The following SHANK2 variants were observed in gnomAD, a reference collection of about 807,000 sequenced individuals.
The protein encoded by SHANK2 is SH3 and multiple ankyrin repeat domains 2.
A neutral mutation model predicts 133.7 loss-of-function variants in SHANK2; 43 were observed. The observed-to-expected ratio is 0.32, with a 90% CI of 0.25 to 0.41. The LOEUF (loss-of-function observed/expected upper bound fraction) is 0.41, where lower values mean the gene tolerates loss of function less well. Ranked by LOEUF, SHANK2 falls within the 10% of genes least tolerant of loss-of-function variation. SHANK2 has a pLI of 1.00. For missense variants in SHANK2, 1,994 were observed against 2,235.8 expected (o/e 0.89, Z 2.18); for synonymous variants, 1,017 against 952.8 (o/e 1.07, Z -1.24).
chr11:70,696,276 T>C (rs1555022214), intron 15 of SHANK2, among the ~76,000 whole-genome samples: 1 of 152,202 alleles, frequency 6.6e-6, no homozygotes, highest in Admixed American at 6.5e-5. Flanking sequence ...GCCCTGCTGT[T>C]AGCCATGTGT....
At chr11:70,723,915 G>A (rs1262936483) in intron 14 of SHANK2, among the ~76,000 whole-genome samples, 2 of 152,006 alleles carry the variant, frequency 1.3e-5, no homozygotes, top group Non-Finnish European at 1.5e-5. Flanking sequence ...GAGTACTCTA[G>A]GGACAGAAAT....
At position 71,094,679 on chromosome 11, in the gene SHANK2, A is replaced by G; in HGVS notation, c.602T>C (p.Leu201Pro). 6.4e-7 allele frequency: 1 copy of G among 1,551,730 alleles called. No homozygotes were observed. The change falls in exon 7 of 26, where the codon CTG (leucine) becomes CCG (proline). Residue 201 changes from leucine to proline, a missense_variant. Physicochemically the swap from Leu to Pro is moderately conservative, Grantham distance 98. Around this residue, in one of 5 missense-constraint regions of SHANK2, gnomAD observed 653 missense variants for 563.4 expected, o/e 1.16. Transcript: ENST00000601538. ...FHDPETGETP[L>P]TLAAQLDDSV... is the part of the protein sequence containing the mutation. ...GTCGTCCAGCTGAGCGGCTAAGGTCAGGGGGGTCTCTGAGGAACCCAAACA... is the reference window on the plus strand; with the variant it reads ...GTCGTCCAGCTGAGCGGCTAAGGTCGGGGGGGTCTCTGAGGAACCCAAACA...
chr11:70,508,194 C>T (rs552916881), intron 17 of SHANK2, among the ~76,000 whole-genome samples: 2 of 152,370 alleles, frequency 1.3e-5, no homozygotes, highest in Non-Finnish European at 2.9e-5. Flanking sequence ...GGCACCAGGG[C>T]TCATGGGGGT....
intron 17 of SHANK2, among the ~76,000 whole-genome samples, chr11:70,517,731 G>A (rs1403747189): frequency 6.6e-6 from 1 of 152,184 alleles, no homozygotes; most frequent in Non-Finnish European, 1.5e-5. Flanking sequence ...TGGAACAGAA[G>A]CACAGAGAAT....
At chr11:71,210,213 T>C (rs1254438022) in intron 2 of SHANK2, among the ~76,000 whole-genome samples, 3 of 23,742 alleles carry the variant, frequency 1.3e-4, no homozygotes, top group Non-Finnish European at 2.4e-4. Flanking sequence ...TCCACAGGTA[T>C]ATATATATAT....
At chr11:70,613,106 C>T (rs375638082) in intron 17 of SHANK2, among the ~76,000 whole-genome samples, 20 of 152,336 alleles carry the variant, frequency 1.3e-4, no homozygotes, top group African/African-American at 4.3e-4. Flanking sequence ...CATGGAGTCA[C>T]ATGCTGGTTT....
At chr11:70,521,093 C>G (rs1194014408) in intron 17 of SHANK2, among the ~76,000 whole-genome samples, 1 of 152,150 alleles carries the variant, frequency 6.6e-6, no homozygotes, top group African/African-American at 2.4e-5. Context: ...AATATTCTAC[C>G]CTCTTCATGA....
intron 17 of SHANK2, among the ~76,000 whole-genome samples, chr11:70,513,535 C>T (rs896977284): frequency 1.3e-5 from 2 of 152,146 alleles, no homozygotes; most frequent in Non-Finnish European, 2.9e-5. Context: ...ATAACATTCA[C>T]GAAATTTGGG....
At chr11:70,860,514 G>A (rs1949242589) in intron 11 of SHANK2, among the ~76,000 whole-genome samples, 1 of 152,226 alleles carries the variant, frequency 6.6e-6, no homozygotes, top group South Asian at 2.1e-4. Flanking sequence ...CTTCAATCCC[G>A]ATGTGTGCAG....
chr11:71,130,462 A>G (rs542442633), intron 3 of SHANK2, among the ~76,000 whole-genome samples: 3 of 152,232 alleles, frequency 2.0e-5, no homozygotes, highest in Non-Finnish European at 4.4e-5. Context: ...TGGGCCCTGT[A>G]AAATGGCGAT....
intron 15 of SHANK2, chr11:70,661,980 G>A: frequency 1.6e-6 from 1 of 644,948 alleles, no homozygotes; most frequent in Non-Finnish European, 2.7e-6. Context: ...GGCTGAGCTG[G>A]AGGCTCAAGG....
chr11:70,939,088 A>ACCCGGGGTGACTTTCTTTC, intron 10 of SHANK2, among the ~76,000 whole-genome samples: 1 of 151,780 alleles, frequency 6.6e-6, no homozygotes. Context: ...CCCTAAGGGA[A>ACCCGGGGTGACTTTCTTTC]CCCGGGGTGA....
At chr11:70,836,267 C>T (rs1948813981) in intron 11 of SHANK2, among the ~76,000 whole-genome samples, 1 of 152,234 alleles carries the variant, frequency 6.6e-6, no homozygotes. Context: ...ACACAGCTGC[C>T]ACTGGGCACA....
chr11:71,096,874 A>C (rs1028042413), intron 6 of SHANK2, among the ~76,000 whole-genome samples: 2 of 152,138 alleles, frequency 1.3e-5, no homozygotes, highest in African/African-American at 2.4e-5. Context: ...TCTCAGAGAG[A>C]GCTGGTGGCA....
chr11:70,475,537 C>G (rs1363916187), intron 25 of SHANK2, among the ~76,000 whole-genome samples: 1 of 152,176 alleles, frequency 6.6e-6, no homozygotes, highest in Non-Finnish European at 1.5e-5. Context: ...ACCTAGGTTC[C>G]CCTAAGCTGT....
chr11:71,214,912 C>A (rs1565519680), intron 2 of SHANK2, among the ~76,000 whole-genome samples: 1 of 152,216 alleles, frequency 6.6e-6, no homozygotes, highest in Non-Finnish European at 1.5e-5. Flanking sequence ...TTGAAGGCCA[C>A]CAAGCATCCC....
chr11:70,721,344 C>T (rs1375730811), intron 14 of SHANK2, among the ~76,000 whole-genome samples: 3 of 152,234 alleles, frequency 2.0e-5, no homozygotes, highest in African/African-American at 7.2e-5. Context: ...GGTCGGTTCT[C>T]AATGAACTCT....
chr11:70,741,340 T>TATCCATCC (rs111526364), intron 14 of SHANK2, among the ~76,000 whole-genome samples: 13 of 148,932 alleles, frequency 8.7e-5, no homozygotes, highest in African/African-American at 3.2e-4. Flanking sequence ...CCCATCTATC[T>TATCCATCC]ATCCATCCAT....
chr11:70,632,966 G>A (rs1382694548), intron 17 of SHANK2, among the ~76,000 whole-genome samples: 5 of 151,936 alleles, frequency 3.3e-5, no homozygotes, highest in African/African-American at 1.2e-4. Context: ...TGATGGATAC[G>A]GGGCAGGGGG....
Sources: allele counts gnomAD v4.1 joint callset (sites outside exome capture counted in the v4.1 genomes callset), GRCh38; gene constraint gnomAD v4.1.1; regional missense constraint gnomAD v4.1.1; transcripts MANE v1.5; gene names NCBI Gene and HGNC (gene_info 2026-07-23, HGNC 2026-07-21).